The following GSPT1 variants were observed in gnomAD, a reference collection of about 807,000 sequenced individuals.
The protein encoded by GSPT1 is eukaryotic peptide chain release factor GTP-binding subunit ERF3A.
A neutral mutation model predicts 72.5 loss-of-function variants in GSPT1; 20 were observed. That is an observed-to-expected ratio of 0.28 (90% confidence interval 0.19 to 0.40). The LOEUF (loss-of-function observed/expected upper bound fraction) is 0.40. Among genes scored for constraint, GSPT1 ranks in the 10% least tolerant of loss-of-function variants. The pLI is 1.00. For missense variants in GSPT1, 580 were observed against 811.9 expected (o/e 0.71, Z 3.47); for synonymous variants, 334 against 293.5 (o/e 1.14, Z -1.41).
rs556809657 is a variant in GSPT1 at position 11,894,816 on chromosome 16, G to A, written c.698+138C>T. The A allele has an allele frequency of 7.8e-5, 46 of 586,794 alleles. No individual in the cohort carries two copies. The East Asian group carries it at 1.4e-3, about 18-fold the overall frequency. The allele number at this position is 586,794 out of a possible 1,614,324, so 36.3% of individuals were successfully genotyped here. A position where few individuals can be genotyped will look rare whatever the true frequency, so the allele number is the denominator to read the frequency against. On this transcript the variant is annotated intron_variant, in intron 5 of 14. Coordinates refer to ENST00000434724, the MANE Select transcript of GSPT1 (RefSeq NM_002094.4). ...AAAATCACTTCTTAACATCAGTATT[G>A]TGTCCCAGTAATTTTATTTTTAATT... is the stretch of plus-strand genomic sequence containing the variant.
At chr16:11,891,030 T>C in intron 6 of GSPT1, 32 bp downstream of exon 6, 1 of 969,864 alleles carries the variant, frequency 1.0e-6, no homozygotes, top group South Asian at 1.5e-5. Flanking sequence ...TCCTTAAAAG[T>C]AATTTATAAG....
At chr16:11,880,028 C>T (rs970529018) in intron 11 of GSPT1, among the ~76,000 whole-genome samples, 1 of 152,158 alleles carries the variant, frequency 6.6e-6, no homozygotes, top group African/African-American at 2.4e-5. Context: ...TGGCAACCAC[C>T]ATCCTACTTT....
At position 11,877,765 on chromosome 16, in the gene GSPT1, G is replaced by A. The variant is rs778663842; in HGVS notation, c.1429-185C>T. ...AAAATCATATCCTAGAAGTATAACT[G>A]CCAATTAAAGTATTAACGTGTCACC... On this transcript the variant is annotated intron_variant, in intron 11 of 14. Coordinates refer to ENST00000434724, the MANE Select transcript of GSPT1 (RefSeq NM_002094.4). The surrounding 1 kb of genome is among the most constrained non-coding windows in gnomAD (Gnocchi z 4.0). Among the ~76,000 whole-genome samples the A allele has an allele frequency of 2.6e-5, 4 of 152,184 alleles. No individual in the cohort carries two copies. Among genetic ancestry groups the A allele is most frequent in the African/African-American group, 4.8e-5 (2 of 41,442 alleles).
In GSPT1 at chr16:11,896,628, A is replaced by G; in HGVS notation, c.594T>C (p.Pro198=). The G allele has an allele frequency of 6.2e-7, 1 of 1,609,920 alleles. No individual in the cohort carries two copies. The highest frequency in any genetic ancestry group is 8.5e-7 in the Non-Finnish European group (1 of 1,178,014). The change falls in exon 4 of 15, where the codon CCT becomes CCC. Residue 198 remains proline, a synonymous_variant. Transcript: ENST00000434724. ...MMEEEEEIPK[P]KSVVAPPGAP... ...CACCTGGCGGTGCAACCACAGACTT[A>G]GGTTTTGGGATTTCCTCTTCCTCCT...
intron 9 of GSPT1, among the ~76,000 whole-genome samples, chr16:11,886,241 T>C (rs1278806861): frequency 6.6e-6 from 1 of 152,024 alleles, no homozygotes; most frequent in Non-Finnish European, 1.5e-5. Context: ...TGGTAGCCAG[T>C]ATTAAAAAGA....
chr16:11,883,112 T>C lies in GSPT1; in HGVS notation c.1348-17A>G, dbSNP rs1042408599. ...GCCCATATCCTGATCAAATGTAAAA[T>C]AAAATCCAGTTTCAGACTTCTTGGT... is the stretch of plus-strand genomic sequence containing the variant. On this transcript the variant is annotated splice_polypyrimidine_tract_variant and intron_variant, in intron 10 of 14. Coordinates refer to ENST00000434724, the MANE Select transcript of GSPT1 (RefSeq NM_002094.4). 5 of 1,530,516 alleles carry C rather than the reference T, an allele frequency of 3.3e-6. No homozygotes were observed. In the Admixed American group the frequency reaches 6.7e-5, roughly 20 times the overall value. 94.8% of individuals were successfully genotyped at this position (1,530,516 alleles called of 1,614,324 possible). A position where few individuals can be genotyped will look rare whatever the true frequency, so the allele number is the denominator to read the frequency against.
At chr16:11,885,383 T>G in intron 9 of GSPT1, 109 bp from the exon 10 acceptor site, 1 of 646,926 alleles carries the variant, frequency 1.5e-6, no homozygotes, top group Admixed American at 2.3e-5. Context: ...ACTCATGTAT[T>G]CTTCCCATTC....
rs74807886 is a variant in GSPT1, at chr16:11,914,588, A to G, written c.352+781T>C. Among the ~76,000 whole-genome samples the G allele has an allele frequency of 3.0e-4, 46 of 152,370 alleles. No homozygotes were observed. The East Asian group carries it at 8.3e-3, about 27-fold the overall frequency. ...CAGTGAGTTATTCCAAGCAATCTGAATAAGGTCAACGATTTTACAGCAATG... is the reference window on the plus strand; with the variant it reads ...CAGTGAGTTATTCCAAGCAATCTGAGTAAGGTCAACGATTTTACAGCAATG... On this transcript the variant is annotated intron_variant, in intron 1 of 14. Coordinates refer to ENST00000434724, the MANE Select transcript of GSPT1 (RefSeq NM_002094.4).
intron 6 of GSPT1, among the ~76,000 whole-genome samples, chr16:11,889,104 T>G (rs1207448287): frequency 2.0e-5 from 3 of 151,996 alleles, no homozygotes; most frequent in African/African-American, 4.8e-5. Flanking sequence ...GTCAGGAGAT[T>G]GAGACCATCG....
chr16:11,915,255 G>A, intron 1 of GSPT1, 114 bp downstream of exon 1: 2 of 1,183,128 alleles, frequency 1.7e-6, no homozygotes, highest in South Asian at 4.2e-5. Flanking sequence ...CGGCGCCACT[G>A]TCAGCGCCCC....
chr16:11,916,387 G>A (rs2054638036), upstream of GSPT1, among the ~76,000 whole-genome samples: 1 of 152,224 alleles, frequency 6.6e-6, no homozygotes, highest in Admixed American at 6.5e-5. Flanking sequence ...CAGGCTGGGG[G>A]AAAACGGACA....
At chr16:11,908,054 CAGCATGGCA>C (rs1189257113) in intron 1 of GSPT1, among the ~76,000 whole-genome samples, 1 of 151,460 alleles carries the variant, frequency 6.6e-6, no homozygotes, top group Non-Finnish European at 1.5e-5. Flanking sequence ...CCAGCCTGGC[CAGCATGGCA>C]AAGCCCCGTC....
chr16:11,903,492 G>A (rs1313280139), intron 1 of GSPT1, among the ~76,000 whole-genome samples: 1 of 151,936 alleles, frequency 6.6e-6, no homozygotes, highest in Non-Finnish European at 1.5e-5. Flanking sequence ...TCCAGCCTGG[G>A]CATAACAGTG....
intron 14 of GSPT1, among the ~76,000 whole-genome samples, chr16:11,875,105 C>T (rs144511276): frequency 4.5e-4 from 69 of 152,050 alleles, no homozygotes; most frequent in African/African-American, 1.5e-3. Flanking sequence ...AGGAGAATGG[C>T]GTGAACCTGG....
At chr16:11,900,444 T>C (rs2054392151) in intron 1 of GSPT1, among the ~76,000 whole-genome samples, 1 of 151,602 alleles carries the variant, frequency 6.6e-6, no homozygotes, top group Non-Finnish European at 1.5e-5. Context: ...GAGTGGGGGA[T>C]GGAGGGGGTA....
In GSPT1 at chr16:11,902,695, C is replaced by T. The variant is rs551384782; in HGVS notation, c.353-4660G>A. Among the ~76,000 whole-genome samples the T allele has an allele frequency of 6.6e-5, 10 of 151,166 alleles. No individual in the cohort carries two copies. In the South Asian group the frequency reaches 2.1e-3, roughly 32 times the overall value. ...CTCCACCTCCTGGGTTCAAGCGATT[C>T]TCCTGCTTTAAGTCCCGAGTAGCTG... On this transcript the variant is annotated intron_variant, in intron 1 of 14. Transcript: ENST00000434724.
chr16:11,875,033 A>G (rs1019181891), intron 14 of GSPT1, among the ~76,000 whole-genome samples: 1 of 152,152 alleles, frequency 6.6e-6, no homozygotes, highest in African/African-American at 2.4e-5. Flanking sequence ...CTACAAAAAT[A>G]CAAAAAATTA....
rs1006814118 is a variant in GSPT1 at position 11,875,637 on chromosome 16, G to A, written c.1861+124C>T. On this transcript the variant is annotated intron_variant, in intron 14 of 14. Coordinates refer to ENST00000434724, the MANE Select transcript of GSPT1 (RefSeq NM_002094.4). ...CATTCAACTCATAAAACACTCATAC[G>A]AATAAGAATGTGAATCGAAGTTTTC... 3.4e-5 allele frequency: 22 copies of A among 637,692 alleles called. No individual in the cohort carries two copies. In the East Asian group the frequency reaches 3.9e-4, roughly 11 times the overall value. 39.5% of individuals were successfully genotyped at this position (637,692 alleles called of 1,614,324 possible).
intron 1 of GSPT1, among the ~76,000 whole-genome samples, chr16:11,903,449 AG>A (rs2054442836): frequency 6.6e-6 from 1 of 152,192 alleles, no homozygotes; most frequent in Non-Finnish European, 1.5e-5. Context: ...TGCGAGGCGG[AG>A]GTTGCAGTGA....
Sources: allele counts gnomAD v4.1 joint callset (sites outside exome capture counted in the v4.1 genomes callset), GRCh38; gene constraint gnomAD v4.1.1; non-coding constraint Gnocchi (gnomAD v3.1); transcripts MANE v1.5; gene names NCBI Gene and HGNC (gene_info 2026-07-23, HGNC 2026-07-21).